CDC5L: variants seen among roughly 807,000 people sequenced by gnomAD.
CDC5L encodes cell division cycle 5 like.
CDC5L carries 18 observed loss-of-function variants against 104.1 expected under a neutral mutation model. The ratio of observed to expected loss-of-function variants is 0.17; its 90% CI spans 0.12 to 0.26. The LOEUF is 0.26. Among genes scored for constraint, CDC5L ranks in the 10% least tolerant of loss-of-function variants. CDC5L has a pLI of 1.00. For synonymous variants in CDC5L, 331 were observed against 322.7 expected (o/e 1.03, Z -0.28); for missense variants, 673 against 956.9 (o/e 0.70, Z 3.91).
chr6:44,437,929 G>A (rs371183040), intron 14 of CDC5L, among the ~76,000 whole-genome samples: 6 of 152,152 alleles, frequency 3.9e-5, no homozygotes, highest in African/African-American at 1.2e-4. Flanking sequence ...ATGTAATAAT[G>A]GGTATTCTTA....
At chr6:44,420,310 C>T (rs1321929231) in intron 9 of CDC5L, among the ~76,000 whole-genome samples, 1 of 151,830 alleles carries the variant, frequency 6.6e-6, no homozygotes, top group South Asian at 2.1e-4. Context: ...ACAGCCAGTA[C>T]AGGTTGAGCA....
intron 8 of CDC5L, among the ~76,000 whole-genome samples, chr6:44,416,537 C>CT (rs1374696618): frequency 7.2e-5 from 11 of 152,242 alleles, no homozygotes; most frequent in African/African-American, 2.2e-4. Flanking sequence ...TACTTCACCT[C>CT]TGTCACCTCT....
chr6:44,432,990 G>T (rs1396277656), intron 14 of CDC5L, among the ~76,000 whole-genome samples: 1 of 152,088 alleles, frequency 6.6e-6, no homozygotes, highest in Non-Finnish European at 1.5e-5. Flanking sequence ...ACATTGCAGG[G>T]GAGTAAAGTG....
At chr6:44,414,857 C>T (rs935220312) in intron 8 of CDC5L, among the ~76,000 whole-genome samples, 1 of 152,018 alleles carries the variant, frequency 6.6e-6, no homozygotes, top group Admixed American at 6.6e-5. Flanking sequence ...TCTTTCCAAC[C>T]CTGGGTCATG....
chr6:44,406,916 AAAC>A (rs1032739947), intron 7 of CDC5L, among the ~76,000 whole-genome samples: 7 of 152,280 alleles, frequency 4.6e-5, no homozygotes, highest in Admixed American at 2.6e-4. Context: ...CTGTCTCAAA[AAAC>A]AACAACAATA....
intron 14 of CDC5L, among the ~76,000 whole-genome samples, chr6:44,438,081 T>C (rs1403511561): frequency 6.6e-6 from 1 of 152,190 alleles, no homozygotes; most frequent in Admixed American, 6.5e-5. Flanking sequence ...CCCAAGTAGC[T>C]GGAACCACAG....
intron 4 of CDC5L, among the ~76,000 whole-genome samples, chr6:44,394,812 A>G (rs1022989243): frequency 2.6e-5 from 3 of 115,586 alleles, no homozygotes; most frequent in African/African-American, 9.3e-5. Flanking sequence ...AGCTGAGATC[A>G]AGCACTGCAC....
intron 14 of CDC5L, among the ~76,000 whole-genome samples, chr6:44,437,169 T>C (rs988614571): frequency 5.9e-5 from 9 of 152,150 alleles, no homozygotes; most frequent in Admixed American, 3.3e-4. Flanking sequence ...TGTGGATGGG[T>C]GTTGGGAGGA....
At position 44,429,841 on chromosome 6, in the gene CDC5L, G is replaced by A. The variant is rs368723562; in HGVS notation, c.2022G>A (p.Gln674=). The change falls in exon 14 of 16, where the codon CAG becomes CAA. Residue 674 remains glutamine (Q), a synonymous_variant. Transcript: ENST00000371477. ...CYSQVLYLPG[Q]SRYTRANLAS... is the part of the protein sequence containing the mutation. The stretch of plus-strand genomic sequence containing the variant: ...GTCAAGTTTTATATCTTCCTGGGCA[G>A]AGCCGCTACACACGGGCCAATCTGG... The A allele has an allele frequency of 1.2e-6, 2 of 1,613,988 alleles. No homozygotes were observed. The highest frequency in any genetic ancestry group is 2.7e-5 in the African/African-American group (2 of 74,932).
intron 2 of CDC5L, among the ~76,000 whole-genome samples, chr6:44,391,006 TTATATATTATATATTAAA>T: frequency 8.8e-6 from 1 of 113,772 alleles, no homozygotes; most frequent in South Asian, 3.1e-4. Flanking sequence ...ATTTAATATG[TTATATATTATATATTAAA>T]CATATTTAAT....
chr6:44,396,329 T>G lies in CDC5L; in HGVS notation c.440-12T>G. The G allele has an allele frequency of 6.3e-7, 1 of 1,590,520 alleles. No homozygotes were observed. The highest frequency in any genetic ancestry group is 8.6e-7 in the Non-Finnish European group (1 of 1,164,740). On this transcript the variant is annotated splice_polypyrimidine_tract_variant and intron_variant, in intron 4 of 15. Coordinates refer to ENST00000371477, the MANE Select transcript of CDC5L (RefSeq NM_001253.4). Reference sequence around the variant, plus strand: ...AGAAAATACTTAGTTTTTCTTCTTTTAATTTTTGCAGATGAACTTGAGATG... The same window carrying G: ...AGAAAATACTTAGTTTTTCTTCTTTGAATTTTTGCAGATGAACTTGAGATG...
At position 44,392,734 on chromosome 6, in the gene CDC5L, C is replaced by T; in HGVS notation, c.217C>T (p.His73Tyr). The T allele has an allele frequency of 4.3e-6, 7 of 1,614,130 alleles. No homozygotes were observed. Among genetic ancestry groups the T allele is most frequent in the Non-Finnish European group, 5.1e-6 (6 of 1,179,988 alleles). The change falls in exon 3 of 16, where the codon CAC becomes TAC. Residue 73 changes from histidine (H) to tyrosine (Y), a missense_variant. Transcript: ENST00000371477. Reference protein sequence around the residue: ...WSREEEEKLLHLAKLMPTQWR... With the variant: ...WSREEEEKLLYLAKLMPTQWR... ...CAGAGAAGAAGAGGAAAAACTCTTG[C>T]ACTTGGCCAAGTTGATGCCAACTCA...
intron 8 of CDC5L, among the ~76,000 whole-genome samples, chr6:44,417,410 A>G (rs1791957519): frequency 6.6e-6 from 1 of 152,042 alleles, no homozygotes; most frequent in South Asian, 2.1e-4. Flanking sequence ...ATTTTTTCTA[A>G]ACTAACCTGG....
chr6:44,441,929 G>GTTTT lies in CDC5L; in HGVS notation c.2092-3724_2092-3723insTTTT, dbSNP rs1185055855. ...TAATCCCAGCACTTTGTAAGGTCTT[G>GTTTT]TTCTTTTTTTTTTTTTTTTTTTTTT... is the stretch of plus-strand genomic sequence containing the variant. On this transcript the variant is annotated intron_variant, in intron 14 of 15. Coordinates refer to ENST00000371477, the MANE Select transcript of CDC5L (RefSeq NM_001253.4). Among the ~76,000 whole-genome samples the GTTTT allele has an allele frequency of 1.4e-3, 154 of 110,610 alleles. 2 individuals are homozygous for GTTTT. Among genetic ancestry groups the GTTTT allele is most frequent in the South Asian group, 2.9e-3 (9 of 3,074 alleles). 72.6% of individuals were successfully genotyped at this position (110,610 alleles called of 152,430 possible).
At position 44,450,081 on chromosome 6, in the gene CDC5L, C is replaced by G. The variant is rs1320044651; in HGVS notation, c.*3370C>G. The G allele has an allele frequency of 1.3e-5, 2 of 152,194 alleles. No homozygotes were observed. Among genetic ancestry groups the G allele is most frequent in the Admixed American group, 1.3e-4 (2 of 15,270 alleles). The allele number at this position is 152,194 out of a possible 1,614,324, so 9.4% of individuals were successfully genotyped here. On this transcript the variant is annotated 3_prime_UTR_variant, in exon 16 of 16. Transcript: ENST00000371477. ...GTTTTGCTATGTTGGCCAGGCTGGT[C>G]TTGAATTCCTGACCTCAGGTGATCC...
At chr6:44,420,260 A>G (rs1792102592) in intron 9 of CDC5L, among the ~76,000 whole-genome samples, 2 of 152,186 alleles carry the variant, frequency 1.3e-5, no homozygotes, top group African/African-American at 4.8e-5. Context: ...AACCACACAA[A>G]TTCCAGATAA....
intron 13 of CDC5L, among the ~76,000 whole-genome samples, chr6:44,428,025 C>T (rs1213371238): frequency 6.6e-6 from 1 of 151,914 alleles, no homozygotes; most frequent in Non-Finnish European, 1.5e-5. Flanking sequence ...GTATATCTCT[C>T]TTTGTTCCAA....
At position 44,426,107 on chromosome 6, in the gene CDC5L, T is replaced by A. The variant is rs1792406825; in HGVS notation, c.1574T>A (p.Ile525Lys). The A allele has an allele frequency of 1.9e-6, 3 of 1,596,948 alleles. No homozygotes were observed. Among genetic ancestry groups the A allele is most frequent in the Non-Finnish European group, 2.6e-6 (3 of 1,169,364 alleles). The change falls in exon 12 of 16, where the codon ATA becomes AAA. Residue 525 changes from isoleucine to lysine, a missense_variant. By Grantham distance (102) the Ile-to-Lys change is moderately radical. Around this residue, in one of 4 missense-constraint regions of CDC5L, gnomAD observed 578 missense variants for 737.0 expected, o/e 0.78. Coordinates refer to ENST00000371477, the MANE Select transcript of CDC5L (RefSeq NM_001253.4). ...AADVDARKQA[I>K]RDAERVKEMK... Reference sequence around the variant, plus strand: ...GATATAAAAATCATTTTTTAGGCCATACGAGATGCAGAGCGTGTAAAGGAA... The same window carrying A: ...GATATAAAAATCATTTTTTAGGCCAAACGAGATGCAGAGCGTGTAAAGGAA...
At chr6:44,389,990 G>T (rs1790517224) in intron 1 of CDC5L, among the ~76,000 whole-genome samples, 1 of 152,140 alleles carries the variant, frequency 6.6e-6, no homozygotes. Context: ...CATAAAGTAG[G>T]GTTTCTCAGA....
Sources: gnomAD v4.1 joint callset for allele counts (sites outside exome capture counted in the v4.1 genomes callset) on GRCh38, gnomAD v4.1.1 for gene constraint, gnomAD v4.1.1 regional missense constraint, MANE v1.5 for transcripts, NCBI Gene and HGNC (gene_info 2026-07-23, HGNC 2026-07-21) for gene names.